The following ZCWPW2 variants were observed in gnomAD, a reference collection of about 807,000 sequenced individuals.
ZCWPW2 encodes the protein zinc finger CW-type PWWP domain protein 2.
In ZCWPW2, 45 loss-of-function variants were observed where a neutral mutation model predicts 46.6. The ratio of observed to expected loss-of-function variants is 0.96; its 90% CI spans 0.76 to 1.24. The LOEUF is 1.24. Among genes scored for constraint, ZCWPW2 ranks in the 50% most tolerant of loss-of-function variants. ZCWPW2 has a pLI of 0.00. For missense variants in ZCWPW2, 429 were observed against 403.9 expected (o/e 1.06, Z -0.53); for synonymous variants, 152 against 137.1 (o/e 1.11, Z -0.76).
At chr3:28,367,151 C>A (rs1705150660) in intron 1 of ZCWPW2, among the ~76,000 whole-genome samples, 1 of 152,076 alleles carries the variant, frequency 6.6e-6, no homozygotes, top group African/African-American at 2.4e-5. Context: ...TCCTTCAGTT[C>A]TGCTCTGATC....
At chr3:28,363,785 A>C (rs1575049477) in intron 1 of ZCWPW2, among the ~76,000 whole-genome samples, 1 of 151,978 alleles carries the variant, frequency 6.6e-6, no homozygotes, top group African/African-American at 2.4e-5. Flanking sequence ...TTGCCTTTCC[A>C]ACTCCTTCTC....
chr3:28,382,525 T>C (rs560187591), intron 1 of ZCWPW2, among the ~76,000 whole-genome samples: 5 of 152,332 alleles, frequency 3.3e-5, no homozygotes, highest in Admixed American at 6.5e-5. Flanking sequence ...GTGAATTTTT[T>C]TGGAGAGGAG....
intron 4 of ZCWPW2, among the ~76,000 whole-genome samples, chr3:28,463,938 AAG>A (rs1698730569): frequency 3.3e-5 from 5 of 151,674 alleles, no homozygotes; most frequent in Admixed American, 3.3e-4. Flanking sequence ...AAAGAAGGGA[AAG>A]AGAAGTAAAG....
At chr3:28,386,815 G>T (rs1413361051) in intron 1 of ZCWPW2, among the ~76,000 whole-genome samples, 1 of 151,822 alleles carries the variant, frequency 6.6e-6, no homozygotes, top group Non-Finnish European at 1.5e-5. Context: ...TTTATTGTTG[G>T]CTCTTCTCTT....
At chr3:28,391,127 A>G (rs1235503196) in intron 2 of ZCWPW2, among the ~76,000 whole-genome samples, 3 of 152,218 alleles carry the variant, frequency 2.0e-5, no homozygotes, top group African/African-American at 7.2e-5. Context: ...TTGGAGATAG[A>G]ATAAACTTGA....
At chr3:28,439,746 G>T (rs185523000) in intron 4 of ZCWPW2, among the ~76,000 whole-genome samples, 31 of 152,208 alleles carry the variant, frequency 2.0e-4, no homozygotes, top group Admixed American at 2.0e-3. Context: ...CTGATATGAA[G>T]TCAATAAATC....
chr3:28,424,871 A>G (rs559019199), intron 3 of ZCWPW2, among the ~76,000 whole-genome samples: 1 of 152,350 alleles, frequency 6.6e-6, no homozygotes, highest in South Asian at 2.1e-4. Context: ...ATATGTAAGA[A>G]AAAATATTTT....
chr3:28,523,136 G>C (rs1239666173), intron 9 of ZCWPW2, among the ~76,000 whole-genome samples: 2 of 152,102 alleles, frequency 1.3e-5, no homozygotes, highest in Non-Finnish European at 2.9e-5. Flanking sequence ...GTTTTAGATT[G>C]TTGTATTATT....
At chr3:28,435,517 GCT>G (rs1697446577) in intron 4 of ZCWPW2, among the ~76,000 whole-genome samples, 3 of 134,528 alleles carry the variant, frequency 2.2e-5, no homozygotes. Context: ...ACAGAGTCTC[GCT>G]CTGTCACCCA....
intron 3 of ZCWPW2, among the ~76,000 whole-genome samples, chr3:28,423,598 C>A (rs2125750629): frequency 6.6e-6 from 1 of 152,044 alleles, no homozygotes; most frequent in South Asian, 2.1e-4. Flanking sequence ...GATCTCCTAA[C>A]CTCATGATCC....
intron 6 of ZCWPW2, among the ~76,000 whole-genome samples, chr3:28,500,165 C>T (rs1008247553): frequency 6.6e-6 from 1 of 151,924 alleles, no homozygotes; most frequent in Non-Finnish European, 1.5e-5. Flanking sequence ...ACCATCAGTG[C>T]TTGCAAATGC....
intron 7 of ZCWPW2, 121 bp from the exon 8 acceptor site, chr3:28,515,433 G>A: frequency 1.3e-6 from 1 of 759,904 alleles, no homozygotes; most frequent in East Asian, 2.7e-5. Context: ...ACAACCAAGA[G>A]AATTACCTTT....
chr3:28,389,786 G>A (rs930373992), intron 1 of ZCWPW2, among the ~76,000 whole-genome samples: 1 of 152,166 alleles, frequency 6.6e-6, no homozygotes, highest in Non-Finnish European at 1.5e-5. Flanking sequence ...TCTGATGGGG[G>A]AGGCCAGTGG....
rs955699451 is a variant in ZCWPW2, at chr3:28,525,571, GAGA to G, written c.*889_*891del. On this transcript the variant is annotated 3_prime_UTR_variant, in exon 10 of 10. Transcript: ENST00000383768. ...GCACATAAAAACCAAAGCTTGAGGA[GAGA>G]AGAAGTGCACGAGAGCATCACCACA... 5.9e-5 allele frequency among the ~76,000 whole-genome samples: 9 copies of G among 152,226 alleles called. No homozygotes were observed. The highest frequency in any genetic ancestry group is 2.1e-4 in the South Asian group (1 of 4,820).
chr3:28,404,624 C>T (rs780473515), intron 2 of ZCWPW2, among the ~76,000 whole-genome samples: 1 of 152,100 alleles, frequency 6.6e-6, no homozygotes, highest in Non-Finnish European at 1.5e-5. Flanking sequence ...GGAACCAACT[C>T]AAATGCCCAT....
chr3:28,476,695 G>C (rs1699247882), intron 4 of ZCWPW2, among the ~76,000 whole-genome samples: 1 of 151,992 alleles, frequency 6.6e-6, no homozygotes, highest in Non-Finnish European at 1.5e-5. Context: ...TTATTACATT[G>C]TAATATATAA....
At chr3:28,375,255 C>T (rs1317194386) in intron 1 of ZCWPW2, among the ~76,000 whole-genome samples, 1 of 151,508 alleles carries the variant, frequency 6.6e-6, no homozygotes, top group African/African-American at 2.4e-5. Context: ...AAGTGAGTTT[C>T]TTGTAGGCTG....
intron 8 of ZCWPW2, among the ~76,000 whole-genome samples, chr3:28,515,969 G>A (rs1179387617): frequency 3.9e-5 from 6 of 152,082 alleles, no homozygotes; most frequent in East Asian, 1.9e-4. Context: ...AGCCAGGCAC[G>A]GTGGCTCACG....
At chr3:28,523,232 T>G (rs1282600410) in intron 9 of ZCWPW2, among the ~76,000 whole-genome samples, 1 of 152,136 alleles carries the variant, frequency 6.6e-6, no homozygotes, top group African/African-American at 2.4e-5. Context: ...TGGTTACTGA[T>G]TCATAAGCAC....
Sources: gnomAD v4.1 joint callset for allele counts (sites outside exome capture counted in the v4.1 genomes callset) on GRCh38, gnomAD v4.1.1 for gene constraint, MANE v1.5 for transcripts, NCBI Gene and HGNC (gene_info 2026-07-23, HGNC 2026-07-21) for gene names.